The following SYT13 variants were observed in gnomAD, a reference collection of about 807,000 sequenced individuals.
SYT13 encodes the protein synaptotagmin 13, also known as synaptotagmin-13.
A neutral mutation model predicts 38.6 loss-of-function variants in SYT13; 21 were observed. The observed-to-expected ratio is 0.54, with a 90% CI of 0.39 to 0.78. The LOEUF is 0.78. SYT13 is among the 30% of genes least tolerant of loss of function. The pLI is 0.00. For missense variants in SYT13, 495 were observed against 548.7 expected (o/e 0.90, Z 0.98); for synonymous variants, 241 against 237.6 (o/e 1.01, Z -0.13).
chr11:45,265,038 A>G (rs1854864922), intron 1 of SYT13, among the ~76,000 whole-genome samples: 8 of 152,258 alleles, frequency 5.3e-5, no homozygotes. Flanking sequence ...AGACTTAGAC[A>G]TGGCTACTGA....
chr11:45,251,799 C>T (rs1854679807), intron 4 of SYT13, among the ~76,000 whole-genome samples: 1 of 152,204 alleles, frequency 6.6e-6, no homozygotes, highest in Admixed American at 6.5e-5. Flanking sequence ...ATGGGGAAAT[C>T]ATCTTGAGTC....
At position 45,276,647 on chromosome 11, in the gene SYT13, T is replaced by A. The variant is rs1161928139; in HGVS notation, c.183+9378A>T. ...AAAGTGAGAATTTGGGGTTTTTTTT[T>A]AGATATTAAAAGCTCAGAAAATACC... is the stretch of plus-strand genomic sequence containing the variant. On this transcript the variant is annotated intron_variant, in intron 1 of 5. Transcript: ENST00000020926. 5.3e-5 allele frequency among the ~76,000 whole-genome samples: 8 copies of A among 151,840 alleles called. No homozygotes were observed. The South Asian group carries it at 6.2e-4, about 12-fold the overall frequency.
intron 1 of SYT13, among the ~76,000 whole-genome samples, chr11:45,275,561 T>A (rs1423420275): frequency 6.6e-6 from 1 of 152,142 alleles, no homozygotes; most frequent in Non-Finnish European, 1.5e-5. Flanking sequence ...TCCCCAAATA[T>A]CATTGTAACA....
chr11:45,257,994 G>A (rs2135894854), intron 1 of SYT13, among the ~76,000 whole-genome samples: 1 of 152,372 alleles, frequency 6.6e-6, no homozygotes, highest in East Asian at 1.9e-4. Flanking sequence ...ACACTGCACA[G>A]TAGATTATAA....
intron 1 of SYT13, 147 bp downstream of exon 1, chr11:45,285,878 A>G (rs1225043361): frequency 1.6e-6 from 1 of 615,904 alleles, no homozygotes; most frequent in Non-Finnish European, 2.5e-6. Context: ...TGACTCCTTG[A>G]CCTGTCCTCC....
chr11:45,274,307 T>C (rs953943134), intron 1 of SYT13, among the ~76,000 whole-genome samples: 1 of 152,232 alleles, frequency 6.6e-6, no homozygotes, highest in Non-Finnish European at 1.5e-5. Flanking sequence ...TCTTTGTCTC[T>C]ATGTGTTTTG....
rs900988151 is a variant in SYT13 at position 45,240,840 on chromosome 11, C to A, written c.*3212G>T. 6.6e-6 allele frequency: 1 copy of A among 152,216 alleles called. No homozygotes were observed. The highest frequency in any genetic ancestry group is 2.4e-5 in the African/African-American group (1 of 41,464). 9.4% of individuals were successfully genotyped at this position (152,216 alleles called of 1,614,324 possible). On this transcript the variant is annotated 3_prime_UTR_variant, in exon 6 of 6. Coordinates refer to ENST00000020926, the MANE Select transcript of SYT13 (RefSeq NM_020826.3). Reference sequence around the variant, plus strand: ...CTTATTTTTACCTCTACCTCACACCCTTTTTAGAAATGCTCACTGGCATCA... The same window carrying A: ...CTTATTTTTACCTCTACCTCACACCATTTTTAGAAATGCTCACTGGCATCA...
chr11:45,249,312 C>T (rs1854647427), intron 4 of SYT13, among the ~76,000 whole-genome samples: 2 of 152,304 alleles, frequency 1.3e-5, no homozygotes, highest in Middle Eastern at 3.4e-3. Flanking sequence ...GGACTGTAAA[C>T]TAGTTCAACC....
At position 45,242,030 on chromosome 11, in the gene SYT13, T is replaced by C. The variant is rs1854557925; in HGVS notation, c.*2022A>G. On this transcript the variant is annotated 3_prime_UTR_variant, in exon 6 of 6. Coordinates refer to ENST00000020926, the MANE Select transcript of SYT13 (RefSeq NM_020826.3). ...ATTTCTGTACAGAAAGAAAAAATAA[T>C]GACCACAGGTTATAAGGCTCCTGCT... The C allele has an allele frequency of 6.6e-6, 1 of 152,216 alleles. No homozygotes were observed. The highest frequency in any genetic ancestry group is 1.5e-5 in the Non-Finnish European group (1 of 68,040). 9.4% of individuals were successfully genotyped at this position (152,216 alleles called of 1,614,324 possible).
chr11:45,281,538 A>C (rs1379330120), intron 1 of SYT13, among the ~76,000 whole-genome samples: 1 of 152,114 alleles, frequency 6.6e-6, no homozygotes, highest in Non-Finnish European at 1.5e-5. Context: ...GTTGTGGTGC[A>C]CACCTATAAT....
In SYT13 at chr11:45,279,942, G is replaced by A. The variant is rs76453560; in HGVS notation, c.183+6083C>T. 1.7e-3 allele frequency among the ~76,000 whole-genome samples: 256 copies of A among 152,290 alleles called. 2 individuals are homozygous for A. Among genetic ancestry groups the A allele is most frequent in the African/African-American group, 6.0e-3 (249 of 41,558 alleles). ...CTGCACTGGAGAAAATTCTACTTTA[G>A]GCTGAAGACGGAAGTAATATCCCCC... is the stretch of plus-strand genomic sequence containing the variant. On this transcript the variant is annotated intron_variant, in intron 1 of 5. Transcript: ENST00000020926.
At chr11:45,251,181 G>A (rs1854669379) in intron 4 of SYT13, among the ~76,000 whole-genome samples, 1 of 151,906 alleles carries the variant, frequency 6.6e-6, no homozygotes, top group South Asian at 2.1e-4. Context: ...ACAAGGTCAG[G>A]AGATCAAGAC....
intron 4 of SYT13, among the ~76,000 whole-genome samples, chr11:45,251,544 C>T (rs1050792265): frequency 2.0e-5 from 3 of 152,044 alleles, no homozygotes; most frequent in Non-Finnish European, 4.4e-5. Flanking sequence ...ATAGCACTGC[C>T]AATCTGGTTG....
chr11:45,244,342 C>G lies in SYT13; in HGVS notation c.991G>C (p.Val331Leu), dbSNP rs1854589745. Residue 331 changes from valine to leucine, a missense_variant, in exon 6 of 6, where the codon GTG (valine) becomes CTG (leucine). Physicochemically the swap from Val to Leu is conservative, Grantham distance 32 (BLOSUM62 1). Transcript: ENST00000020926. ...ELLGKDVSVKVTLKHQARKLK... is the reference protein window; with the variant it reads ...ELLGKDVSVKLTLKHQARKLK... ...TTCCGAGCCTGGTGCTTCAAGGTCA[C>G]CTTGACAGAGACATCTGGGGAGGGG... 1 of 1,612,930 alleles carries G rather than the reference C, an allele frequency of 6.2e-7. No individual in the cohort carries two copies. The highest frequency in any genetic ancestry group is 1.7e-5 in the Admixed American group (1 of 59,992).
chr11:45,279,654 G>A (rs1226296303), intron 1 of SYT13, among the ~76,000 whole-genome samples: 1 of 152,190 alleles, frequency 6.6e-6, no homozygotes, highest in Non-Finnish European at 1.5e-5. Flanking sequence ...CTTGATAAAT[G>A]TTAGCTATTC....
intron 1 of SYT13, among the ~76,000 whole-genome samples, chr11:45,265,741 C>G (rs538722261): frequency 6.6e-6 from 1 of 152,146 alleles, no homozygotes; most frequent in Non-Finnish European, 1.5e-5. Context: ...AATATCATAG[C>G]CTTTGGGGTG....
chr11:45,251,418 C>G (rs1854673635), intron 4 of SYT13, among the ~76,000 whole-genome samples: 1 of 146,102 alleles, frequency 6.8e-6, no homozygotes, highest in African/African-American at 2.6e-5. Flanking sequence ...AAATAGTGCC[C>G]TAATCAGTAT....
intron 1 of SYT13, among the ~76,000 whole-genome samples, chr11:45,270,862 G>A (rs1480941195): frequency 6.6e-6 from 1 of 152,172 alleles, no homozygotes; most frequent in Admixed American, 6.5e-5. Context: ...CAAGACAGAG[G>A]CTGTTTTAAC....
At chr11:45,268,920 C>T (rs573724030) in intron 1 of SYT13, among the ~76,000 whole-genome samples, 72 of 152,292 alleles carry the variant, frequency 4.7e-4, no homozygotes, top group Admixed American at 5.9e-4. Flanking sequence ...ATTGCTACCC[C>T]GACGCACAGT....
Sources: gnomAD v4.1 joint callset for allele counts (sites outside exome capture counted in the v4.1 genomes callset) on GRCh38, gnomAD v4.1.1 for gene constraint, MANE v1.5 for transcripts, NCBI Gene and HGNC (gene_info 2026-07-23, HGNC 2026-07-21) for gene names.